Variants in RP2 observed in about 807,000 individuals in gnomAD.
RP2 encodes RP2 activator of ARL3 GTPase.
A neutral mutation model predicts 20.3 loss-of-function variants in RP2; 3 were observed. The ratio of observed to expected loss-of-function variants is 0.15; its 90% CI spans 0.07 to 0.38. RP2 has a LOEUF of 0.38. Among genes scored for constraint, RP2 ranks in the 10% least tolerant of loss-of-function variants. The pLI is 1.00. For synonymous variants in RP2, 75 were observed against 94.8 expected (o/e 0.79, Z 1.22); for missense variants, 233 against 268.5 (o/e 0.87, Z 0.92).
intron 3 of RP2, among the ~76,000 whole-genome samples, chrX:46,868,331 CCTAGG>C (rs1556323564): frequency 2.8e-5 from 3 of 109,045 alleles, no homozygotes; most frequent in African/African-American, 1.0e-4. Context: ...TCGAAACCAG[CCTAGG>C]CAACATAATG....
At chrX:46,879,062 T>TA (rs35579507) in intron 4 of RP2, among the ~76,000 whole-genome samples, 3,525 of 33,032 alleles carry the variant, frequency 0.11, 740 homozygotes, top group African/African-American at 0.36. Flanking sequence ...CTACAAAAAG[T>TA]AAAAAAAAAA....
chrX:46,867,109 CTTTT>C (rs1245436910), intron 3 of RP2, among the ~76,000 whole-genome samples: 1 of 108,290 alleles, frequency 9.2e-6, no homozygotes, highest in Non-Finnish European at 1.9e-5. Context: ...TTTCTTTTGT[CTTTT>C]TTTTTGACAA....
intron 2 of RP2, among the ~76,000 whole-genome samples, chrX:46,855,155 T>C (rs1365713348): frequency 3.6e-5 from 4 of 110,790 alleles, no homozygotes; most frequent in African/African-American, 1.3e-4. Context: ...TTTATTGCCA[T>C]AGAAGGGAGC....
At chrX:46,837,560 C>G (rs1219217286) in intron 1 of RP2, among the ~76,000 whole-genome samples, 1 of 111,434 alleles carries the variant, frequency 9.0e-6, no homozygotes, top group Non-Finnish European at 1.9e-5. Flanking sequence ...CAAATCACCT[C>G]GTTTCACCCA....
chrX:46,853,390 A>C, intron 1 of RP2, 86 bp from the exon 2 acceptor site: 1 of 855,181 alleles, frequency 1.2e-6, no homozygotes, highest in Non-Finnish European at 1.7e-6. Context: ...CAGCACTAAG[A>C]ACTGTGCCTG....
At chrX:46,878,761 G>A (rs1925417635) in intron 4 of RP2, among the ~76,000 whole-genome samples, 1 of 111,100 alleles carries the variant, frequency 9.0e-6, no homozygotes, top group Admixed American at 9.7e-5. Context: ...TTTTACAGGT[G>A]TAGTTACTGA....
intron 1 of RP2, among the ~76,000 whole-genome samples, chrX:46,848,502 G>T (rs1924799138): frequency 1.9e-5 from 2 of 105,183 alleles, no homozygotes; most frequent in African/African-American, 7.0e-5. Flanking sequence ...TCCTGCCTCA[G>T]CCTCCCAAGT....
chrX:46,848,885 T>A (rs922992858), intron 1 of RP2, among the ~76,000 whole-genome samples: 86 of 107,844 alleles, frequency 8.0e-4, no homozygotes, highest in Non-Finnish European at 1.4e-3. Flanking sequence ...AAAAATTAGT[T>A]GTGCATGGTG....
chrX:46,848,734 A>G lies in RP2; in HGVS notation c.103-4742A>G, dbSNP rs139021613. On this transcript the variant is annotated intron_variant, in intron 1 of 4. Coordinates refer to ENST00000218340, the MANE Select transcript of RP2 (RefSeq NM_006915.3). ...TCCATTACCTTTTAAGGATTGTAGT[A>G]AGAAATAGTCTAGGCCAGACACGGT... 3.9e-3 allele frequency among the ~76,000 whole-genome samples: 432 copies of G among 109,705 alleles called. 3 individuals carry two copies. Among genetic ancestry groups the G allele is most frequent in the South Asian group, 0.028 (69 of 2,488 alleles).
At chrX:46,875,193 T>TC (rs1465720245) in intron 3 of RP2, among the ~76,000 whole-genome samples, 1 of 110,350 alleles carries the variant, frequency 9.1e-6, no homozygotes, top group Non-Finnish European at 1.9e-5. Context: ...TTGTAGAGTT[T>TC]CCTGCAGTCT....
intron 1 of RP2, among the ~76,000 whole-genome samples, chrX:46,846,098 C>T (rs944706691): frequency 9.0e-6 from 1 of 111,272 alleles, no homozygotes; most frequent in Non-Finnish European, 1.9e-5. Context: ...AGTGGTATTC[C>T]GTTGTATGGA....
chrX:46,864,725 C>G (rs965463761), intron 3 of RP2, among the ~76,000 whole-genome samples: 8 of 111,809 alleles, frequency 7.2e-5, no homozygotes, highest in African/African-American at 2.0e-4. Context: ...AACAAATTTT[C>G]TACTCCCACC....
At position 46,857,328 on chromosome X, in the gene RP2, G is replaced by A. The variant is rs3126145; in HGVS notation, c.769-2660G>A. On this transcript the variant is annotated intron_variant, in intron 2 of 4. Coordinates refer to ENST00000218340, the MANE Select transcript of RP2 (RefSeq NM_006915.3). The stretch of plus-strand genomic sequence containing the variant: ...TGTAATCCCAGCACTTTGGGAGGCC[G>A]AGGCGGGTGGATCACGAGGTCAGGA... Among the ~76,000 whole-genome samples the A allele has an allele frequency of 3.2e-3, 353 of 111,594 alleles. 1 individual carries two copies. The highest frequency in any genetic ancestry group is 0.011 in the African/African-American group (337 of 30,699).
intron 2 of RP2, among the ~76,000 whole-genome samples, chrX:46,859,393 G>T (rs1438750825): frequency 6.4e-5 from 7 of 108,637 alleles, no homozygotes; most frequent in African/African-American, 2.4e-4. Context: ...GGAGGCTGAG[G>T]TGGGAGAATC....
At chrX:46,852,864 A>G in intron 1 of RP2, among the ~76,000 whole-genome samples, 1 of 111,652 alleles carries the variant, frequency 9.0e-6, no homozygotes, top group Non-Finnish European at 1.9e-5. Context: ...ATTAAAAGCA[A>G]GAGCCACTGC....
At chrX:46,875,905 C>T (rs1925367786) in intron 3 of RP2, among the ~76,000 whole-genome samples, 1 of 111,816 alleles carries the variant, frequency 8.9e-6, no homozygotes, top group Non-Finnish European at 1.9e-5. Flanking sequence ...TAAGCTTTTT[C>T]AGTGGACATA....
chrX:46,847,737 C>T (rs1406878191), intron 1 of RP2, among the ~76,000 whole-genome samples: 1 of 91,997 alleles, frequency 1.1e-5, no homozygotes, highest in African/African-American at 4.3e-5. Flanking sequence ...TGTGTATATA[C>T]ACACATATGT....
rs371927096 is a variant in RP2, at chrX:46,844,146, A to G, written c.102+6944A>G. 9.8e-5 allele frequency among the ~76,000 whole-genome samples: 11 copies of G among 112,015 alleles called. No individual in the cohort carries two copies. In the East Asian group the frequency reaches 2.2e-3, roughly 23 times the overall value. On this transcript the variant is annotated intron_variant, in intron 1 of 4. Coordinates refer to ENST00000218340, the MANE Select transcript of RP2 (RefSeq NM_006915.3). ...TAAAAAATATATTTTTGACCCTGGT[A>G]CTCTACAAAGCTTAGTACATTTTTT...
At chrX:46,847,761 C>CACACATATGTGTGTGTGTATAT (rs1569531385) in intron 1 of RP2, among the ~76,000 whole-genome samples, 22 of 82,592 alleles carry the variant, frequency 2.7e-4, no homozygotes, top group African/African-American at 1.1e-3. Context: ...TGTGTATATA[C>CACACATATGTGTGTGTGTATAT]ACACATGTGT....
Sources: gnomAD v4.1 joint callset for allele counts (sites outside exome capture counted in the v4.1 genomes callset) on GRCh38, gnomAD v4.1.1 for gene constraint, MANE v1.5 for transcripts, NCBI Gene and HGNC (gene_info 2026-07-23, HGNC 2026-07-21) for gene names.